GALNT13: variants seen among roughly 807,000 people sequenced by gnomAD.
GALNT13 encodes the protein polypeptide N-acetylgalactosaminyltransferase 13.
A neutral mutation model predicts 64.2 loss-of-function variants in GALNT13; 28 were observed. The ratio of observed to expected loss-of-function variants is 0.44; its 90% confidence interval spans 0.32 to 0.60. GALNT13 has a LOEUF of 0.60. Ranked by LOEUF, GALNT13 falls within the 20% of genes least tolerant of loss-of-function variation. GALNT13 has a pLI of 0.05. For synonymous variants in GALNT13, 214 were observed against 224.6 expected (o/e 0.95, Z 0.42); for missense variants, 577 against 669.8 (o/e 0.86, Z 1.53).
At chr2:153,882,785 C>T (rs1348169970) in intron 1 of GALNT13, among the ~76,000 whole-genome samples, 1 of 151,736 alleles carries the variant, frequency 6.6e-6, no homozygotes, top group Non-Finnish European at 1.5e-5. Context: ...TGTCTCACCA[C>T]ACCCAGCTAA....
At chr2:153,637,372 T>C in the GALNT13 span, among the ~76,000 whole-genome samples, 1 of 152,174 alleles carries the variant, frequency 6.6e-6, no homozygotes, top group Non-Finnish European at 1.5e-5. Context: ...AAAGCTGTTC[T>C]TATGCAGTGG....
chr2:153,197,206 G>T, the GALNT13 span, among the ~76,000 whole-genome samples: 1 of 152,202 alleles, frequency 6.6e-6, no homozygotes. Flanking sequence ...CTGACAGCAG[G>T]TTTTCTAAAC....
chr2:153,648,442 T>C, the GALNT13 span, among the ~76,000 whole-genome samples: 1 of 152,186 alleles, frequency 6.6e-6, no homozygotes, highest in Non-Finnish European at 1.5e-5. Flanking sequence ...CTTTTTCTAA[T>C]TGAATACCCT....
At chr2:153,725,958 G>A in the GALNT13 span, among the ~76,000 whole-genome samples, 4 of 152,002 alleles carry the variant, frequency 2.6e-5, no homozygotes, top group African/African-American at 4.8e-5. Flanking sequence ...CGTATGAAGT[G>A]TTACTAGGAA....
the GALNT13 span, among the ~76,000 whole-genome samples, chr2:153,746,378 T>C: frequency 6.6e-6 from 1 of 152,220 alleles, no homozygotes; most frequent in African/African-American, 2.4e-5. Flanking sequence ...TGTTGTGATA[T>C]ATATATGTAG....
At chr2:153,423,901 A>G in the GALNT13 span, among the ~76,000 whole-genome samples, 1 of 151,646 alleles carries the variant, frequency 6.6e-6, no homozygotes, top group Non-Finnish European at 1.5e-5. Context: ...GAAGCATGAT[A>G]AACTCATCTT....
the GALNT13 span, among the ~76,000 whole-genome samples, chr2:153,536,235 A>G: frequency 6.6e-6 from 1 of 152,208 alleles, no homozygotes; most frequent in South Asian, 2.1e-4. Context: ...AGGGCCTTGC[A>G]TGACTGAGTT....
the GALNT13 span, among the ~76,000 whole-genome samples, chr2:153,574,263 T>A: frequency 6.6e-6 from 1 of 152,100 alleles, no homozygotes; most frequent in Non-Finnish European, 1.5e-5. Context: ...TTTTCTCTTA[T>A]TGCTTTTAAT....
At chr2:153,363,302 C>A in the GALNT13 span, among the ~76,000 whole-genome samples, 4 of 151,922 alleles carry the variant, frequency 2.6e-5, no homozygotes, top group African/African-American at 9.7e-5. Flanking sequence ...CAAATTGACA[C>A]CCTAACATTG....
intron 3 of GALNT13, among the ~76,000 whole-genome samples, chr2:154,011,377 TTG>T (rs1361832713): frequency 1.3e-5 from 2 of 152,198 alleles, no homozygotes; most frequent in African/African-American, 4.8e-5. Flanking sequence ...TTTCATGTAA[TTG>T]TATGGTTTTG....
the GALNT13 span, among the ~76,000 whole-genome samples, chr2:153,397,457 C>A: frequency 1.3e-5 from 2 of 152,022 alleles, no homozygotes; most frequent in African/African-American, 2.4e-5. Context: ...TTCATGAAAA[C>A]CAATGAGACC....
At chr2:154,240,177 C>T (rs531649640) in intron 4 of GALNT13, among the ~76,000 whole-genome samples, 41 of 152,224 alleles carry the variant, frequency 2.7e-4, no homozygotes, top group Admixed American at 4.6e-4. Context: ...TGAATGTTGA[C>T]GAGTTGATGG....
chr2:153,382,390 A>G, the GALNT13 span, among the ~76,000 whole-genome samples: 1 of 151,934 alleles, frequency 6.6e-6, no homozygotes, highest in Non-Finnish European at 1.5e-5. Context: ...ATGAGTACCC[A>G]ATGTTTGGCT....
chr2:153,678,346 C>T, the GALNT13 span, among the ~76,000 whole-genome samples: 3 of 151,868 alleles, frequency 2.0e-5, no homozygotes, highest in Admixed American at 6.6e-5. Context: ...TCTATGTAGC[C>T]GTAAAAAAGA....
At chr2:154,065,307 A>T (rs1484569336) in intron 3 of GALNT13, among the ~76,000 whole-genome samples, 1 of 152,152 alleles carries the variant, frequency 6.6e-6, no homozygotes, top group Non-Finnish European at 1.5e-5. Context: ...GGAACTCTCC[A>T]TCCTGGAGGG....
At chr2:153,670,919 T>C in the GALNT13 span, among the ~76,000 whole-genome samples, 2,122 of 152,262 alleles carry the variant, frequency 0.014, 48 homozygotes, top group African/African-American at 0.048. Flanking sequence ...CAAGCTTCAA[T>C]AGCTGATTTG....
At chr2:154,014,635 C>CTTTT (rs60950180) in intron 3 of GALNT13, among the ~76,000 whole-genome samples, 3,868 of 77,136 alleles carry the variant, frequency 0.05, 675 homozygotes, top group African/African-American at 0.11. Flanking sequence ...GATAATTCTC[C>CTTTT]TTTTTTTTTT....
At chr2:153,473,474 A>G in the GALNT13 span, among the ~76,000 whole-genome samples, 2 of 152,240 alleles carry the variant, frequency 1.3e-5, no homozygotes, top group African/African-American at 4.8e-5. Context: ...CCATGGAAAC[A>G]ACTTACTATT....
chr2:154,455,424 C>T (rs953026045), downstream of GALNT13, among the ~76,000 whole-genome samples: 6 of 152,234 alleles, frequency 3.9e-5, no homozygotes, highest in Admixed American at 2.6e-4. Flanking sequence ...GATGTGTCAC[C>T]ATCTACAGCT....
Sources: gnomAD v4.1 joint callset for allele counts (sites outside exome capture counted in the v4.1 genomes callset) on GRCh38, gnomAD v4.1.1 for gene constraint, MANE v1.5 for transcripts, NCBI Gene and HGNC (gene_info 2026-07-23, HGNC 2026-07-21) for gene names.